The following WDR70 variants were observed in gnomAD, a reference collection of about 807,000 sequenced individuals.
The protein encoded by WDR70 is WD repeat-containing protein 70.
In WDR70, 53 loss-of-function variants were observed where a neutral mutation model predicts 88.6. The ratio of observed to expected loss-of-function variants is 0.60; its 90% CI spans 0.48 to 0.75. The LOEUF is 0.75. WDR70 is among the 30% of genes least tolerant of loss of function. WDR70 has a pLI of 0.00. For synonymous variants in WDR70, 280 were observed against 270.0 expected, an observed-to-expected ratio of 1.04 and a Z score of -0.36; for missense variants, 610 against 823.2, an observed-to-expected ratio of 0.74 and a Z score of 3.17.
At chr5:37,731,413 A>G (rs920968337) in intron 17 of WDR70, among the ~76,000 whole-genome samples, 2 of 152,180 alleles carry the variant, frequency 1.3e-5, no homozygotes, top group Non-Finnish European at 2.9e-5. Context: ...TAATATGATA[A>G]CAACTAAGAG....
At chr5:37,412,222 A>G (rs1247250044) in intron 5 of WDR70, among the ~76,000 whole-genome samples, 2 of 152,100 alleles carry the variant, frequency 1.3e-5, no homozygotes, top group African/African-American at 4.8e-5. Context: ...CTCTGTCTCT[A>G]CTAAAAATAC....
chr5:37,597,609 T>G (rs528051992), intron 9 of WDR70, among the ~76,000 whole-genome samples: 18 of 152,346 alleles, frequency 1.2e-4, no homozygotes, highest in Non-Finnish European at 7.4e-5. Context: ...AGCGTGGGTT[T>G]TTAAAAAGAG....
chr5:37,459,420 G>A (rs559391260), intron 7 of WDR70, among the ~76,000 whole-genome samples: 1 of 149,954 alleles, frequency 6.7e-6, no homozygotes, highest in South Asian at 2.1e-4. Context: ...ACAAACCTGA[G>A]AAAAACAAGC....
chr5:37,711,612 C>T lies in WDR70; in HGVS notation c.1416+8525C>T, dbSNP rs554306085. Among the ~76,000 whole-genome samples the T allele has an allele frequency of 2.1e-3, 323 of 152,182 alleles. 3 individuals carry two copies. The highest frequency in any genetic ancestry group is 7.6e-3 in the African/African-American group (314 of 41,538). On this transcript the variant is annotated intron_variant, in intron 13 of 17. Coordinates refer to ENST00000265107, the MANE Select transcript of WDR70 (RefSeq NM_018034.4). Reference sequence around the variant, plus strand: ...AGGGAACCAAACTTAGTCTTTTGTTCTTTTTGTTTGTTAACATTTCCTTGT... The same window carrying T: ...AGGGAACCAAACTTAGTCTTTTGTTTTTTTTGTTTGTTAACATTTCCTTGT...
At chr5:37,677,702 TG>T (rs1473260767) in intron 10 of WDR70, among the ~76,000 whole-genome samples, 1 of 150,530 alleles carries the variant, frequency 6.6e-6, no homozygotes, top group Non-Finnish European at 1.5e-5. Context: ...TGAAAAAAAA[TG>T]TGTATTCTTT....
At chr5:37,405,156 T>C (rs1323976545) in intron 5 of WDR70, among the ~76,000 whole-genome samples, 1 of 152,116 alleles carries the variant, frequency 6.6e-6, no homozygotes, top group African/African-American at 2.4e-5. Flanking sequence ...GTAAATTGTG[T>C]TGTGGTCATG....
At chr5:37,416,521 G>A (rs1259499013) in intron 5 of WDR70, among the ~76,000 whole-genome samples, 4 of 149,792 alleles carry the variant, frequency 2.7e-5, no homozygotes, top group African/African-American at 1.0e-4. Flanking sequence ...GAGGGAGATC[G>A]TGGGGAGAGG....
intron 7 of WDR70, among the ~76,000 whole-genome samples, chr5:37,467,015 C>A (rs1342020007): frequency 6.6e-6 from 1 of 152,048 alleles, no homozygotes; most frequent in African/African-American, 2.4e-5. Context: ...GCAAGTGGAT[C>A]ACTTGAGCTC....
chr5:37,429,578 G>C (rs1750240432), intron 5 of WDR70, among the ~76,000 whole-genome samples: 1 of 152,066 alleles, frequency 6.6e-6, no homozygotes, highest in Non-Finnish European at 1.5e-5. Flanking sequence ...AATTGTTTGA[G>C]TATTGTTTGT....
intron 3 of WDR70, among the ~76,000 whole-genome samples, chr5:37,390,846 A>C (rs1269357673): frequency 6.6e-6 from 1 of 151,332 alleles, no homozygotes; most frequent in African/African-American, 2.4e-5. Context: ...CCTCCCGAGT[A>C]GCTGGGATTA....
At chr5:37,679,940 G>A (rs936006733) in intron 10 of WDR70, among the ~76,000 whole-genome samples, 3 of 152,236 alleles carry the variant, frequency 2.0e-5, no homozygotes, top group Non-Finnish European at 2.9e-5. Flanking sequence ...GGGCAATGGC[G>A]GGCGCCCCTC....
intron 13 of WDR70, among the ~76,000 whole-genome samples, chr5:37,713,325 A>T (rs901249664): frequency 1.3e-5 from 2 of 152,194 alleles, no homozygotes; most frequent in Non-Finnish European, 2.9e-5. Context: ...AAGCTATATT[A>T]AAAAACATCC....
chr5:37,730,856 C>T (rs899721501), intron 17 of WDR70, among the ~76,000 whole-genome samples: 3 of 152,090 alleles, frequency 2.0e-5, no homozygotes, highest in African/African-American at 7.2e-5. Context: ...ACTCATTATT[C>T]GGCGCTATTT....
intron 17 of WDR70, among the ~76,000 whole-genome samples, chr5:37,739,882 C>T (rs1294308106): frequency 6.6e-6 from 1 of 152,060 alleles, no homozygotes; most frequent in Non-Finnish European, 1.5e-5. Context: ...TTCTTAACAT[C>T]AGTGTACAAA....
chr5:37,406,389 T>C (rs919290763), intron 5 of WDR70, among the ~76,000 whole-genome samples: 11 of 152,330 alleles, frequency 7.2e-5, no homozygotes, highest in Middle Eastern at 3.4e-3. Context: ...CATTCTTGAC[T>C]GGACTAGTAT....
At chr5:37,433,321 A>C (rs1750370381) in intron 5 of WDR70, among the ~76,000 whole-genome samples, 1 of 152,144 alleles carries the variant, frequency 6.6e-6, no homozygotes, top group Admixed American at 6.5e-5. Context: ...TTGGCCTTAC[A>C]AAGTACTGGG....
intron 10 of WDR70, among the ~76,000 whole-genome samples, chr5:37,638,887 A>C (rs1365815813): frequency 6.6e-6 from 1 of 152,212 alleles, no homozygotes; most frequent in Non-Finnish European, 1.5e-5. Context: ...GCAAGACTAC[A>C]ATATTAGCTT....
chr5:37,552,389 A>G (rs1307765113), intron 9 of WDR70, among the ~76,000 whole-genome samples: 1 of 152,200 alleles, frequency 6.6e-6, no homozygotes, highest in Non-Finnish European at 1.5e-5. Flanking sequence ...TCTGTAAAAT[A>G]AGACTTAGAC....
intron 8 of WDR70, among the ~76,000 whole-genome samples, chr5:37,507,597 T>C (rs1362445951): frequency 6.6e-6 from 1 of 152,228 alleles, no homozygotes; most frequent in Non-Finnish European, 1.5e-5. Context: ...TTTGGAATTA[T>C]ACTGAGTCTG....
Sources: gnomAD v4.1 joint callset for allele counts (sites outside exome capture counted in the v4.1 genomes callset) on GRCh38, gnomAD v4.1.1 for gene constraint, MANE v1.5 for transcripts, NCBI Gene and HGNC (gene_info 2026-07-23, HGNC 2026-07-21) for gene names.